Variants in TJP2 observed in about 807,000 individuals in gnomAD.
TJP2 encodes Friedreich ataxia region gene X104 (tight junction protein ZO-2).
TJP2 carries 91 observed loss-of-function variants against 133.1 expected under a neutral mutation model. That is an observed-to-expected ratio of 0.68 (90% CI 0.58 to 0.81). The LOEUF (loss-of-function observed/expected upper bound fraction) is 0.81, where lower values mean the gene tolerates loss of function less well. TJP2 is among the 40% of genes least tolerant of loss of function. The probability of loss-of-function intolerance (pLI) is 0.00; values close to 1 mark genes in which losing one functional copy is unlikely to be tolerated. For synonymous variants in TJP2, 592 were observed against 583.4 expected (o/e 1.01, Z -0.21); for missense variants, 1,541 against 1,565.6 (o/e 0.98, Z 0.26).
chr9:69,206,530 G>T (rs1255478200), intron 1 of TJP2, among the ~76,000 whole-genome samples: 1 of 151,732 alleles, frequency 6.6e-6, no homozygotes, highest in Non-Finnish European at 1.5e-5. Context: ...TCATTTTGGT[G>T]TTCACCCACT....
chr9:69,234,059 C>T (rs746675967), intron 11 of TJP2, among the ~76,000 whole-genome samples: 5 of 152,128 alleles, frequency 3.3e-5, no homozygotes, highest in Non-Finnish European at 5.9e-5. Context: ...ACTCCCCATG[C>T]TTCATACTTG....
Position 69,134,906 on chromosome 9 carries a change from T to C in TJP2, c.-131+13181T>C, listed in dbSNP as rs556166958. Among the ~76,000 whole-genome samples, 198 of 151,612 alleles carry C rather than the reference T, an allele frequency of 1.3e-3. 1 individual carries two copies. Among genetic ancestry groups the C allele is most frequent in the African/African-American group, 4.5e-3 (186 of 41,294 alleles). ...TGCTGTATGCTCACATGGCCTTTCC[T>C]GGATGCATTGTGTATGGAGAGAGAG... On this transcript the variant is annotated intron_variant, in intron 1 of 5. Transcript: ENST00000423935.
rs73649624 is a variant in TJP2, at chr9:69,204,856, T to C, written c.61-7692T>C. On this transcript the variant is annotated intron_variant, in intron 1 of 22. Coordinates refer to ENST00000377245, the MANE Select transcript of TJP2 (RefSeq NM_004817.4). ...TTCTGTCAACTTAGATGCTGAATCA[T>C]TTTATGTGCTTAAAAGAAATATCTA... 4,443 of 1,135,782 alleles carry C rather than the reference T, an allele frequency of 3.9e-3. 140 individuals are homozygous for C. The African/African-American group carries it at 0.063, about 16-fold the overall frequency. The allele number at this position is 1,135,782 out of a possible 1,614,324, so 70.4% of individuals were successfully genotyped here.
At chr9:69,182,845 G>A (rs1825611308) in intron 1 of TJP2, among the ~76,000 whole-genome samples, 1 of 144,314 alleles carries the variant, frequency 6.9e-6, no homozygotes, top group Non-Finnish European at 1.5e-5. Flanking sequence ...CTGAAGTGCA[G>A]TGGTGCCATC....
chr9:69,223,365 T>A (rs1428842075), intron 5 of TJP2, among the ~76,000 whole-genome samples: 4 of 152,168 alleles, frequency 2.6e-5, no homozygotes, highest in South Asian at 2.1e-4. Context: ...TGGAGTGCAG[T>A]GGCGCGATCT....
chr9:69,199,482 A>G (rs1005825505), intron 1 of TJP2, among the ~76,000 whole-genome samples: 3 of 152,130 alleles, frequency 2.0e-5, no homozygotes, highest in African/African-American at 4.8e-5. Context: ...GTGAGCCCTG[A>G]TTGTGCCACT....
intron 2 of TJP2, among the ~76,000 whole-genome samples, chr9:69,156,897 A>G (rs1823798765): frequency 6.6e-6 from 1 of 152,200 alleles, no homozygotes. Context: ...CTGCCAGGTC[A>G]TAGGTACTCT....
intron 1 of TJP2, among the ~76,000 whole-genome samples, chr9:69,178,972 T>C (rs1249875346): frequency 5.3e-5 from 2 of 37,486 alleles, no homozygotes; most frequent in South Asian, 1.2e-3. Flanking sequence ...AGTTTTTTTT[T>C]CTTATTTTTT....
intron 2 of TJP2, among the ~76,000 whole-genome samples, chr9:69,213,165 G>A (rs546135205): frequency 5.4e-4 from 80 of 148,508 alleles, no homozygotes; most frequent in Middle Eastern, 7.2e-3. Context: ...CCGGGTTCAA[G>A]CAATTTTCCT....
chr9:69,227,131 T>G (rs1429037296), intron 7 of TJP2, among the ~76,000 whole-genome samples: 1 of 152,214 alleles, frequency 6.6e-6, no homozygotes, highest in Non-Finnish European at 1.5e-5. Flanking sequence ...TTGTTGATTT[T>G]TTTTTTTAAA....
rs1380709204 is a variant in TJP2, at chr9:69,205,238, G to A, written c.61-7310G>A. The A allele has an allele frequency of 3.9e-6, 6 of 1,537,138 alleles. No homozygotes were observed. The African/African-American group carries it at 8.2e-5, about 21-fold the overall frequency. ...TTGAGGAGATGGAAAGGCCGTGTGAGTCCCTCTGCAAGCTCTCCCCTTGTT... is the reference window on the plus strand; with the variant it reads ...TTGAGGAGATGGAAAGGCCGTGTGAATCCCTCTGCAAGCTCTCCCCTTGTT... On this transcript the variant is annotated intron_variant, in intron 1 of 22. Coordinates refer to ENST00000377245, the MANE Select transcript of TJP2 (RefSeq NM_004817.4).
At chr9:69,218,497 G>C (rs1828559955) in intron 4 of TJP2, 138 bp downstream of exon 4, 4 of 722,170 alleles carry the variant, frequency 5.5e-6, no homozygotes, top group Non-Finnish European at 1.0e-5. Flanking sequence ...CAGTACTTTT[G>C]GAGGGGTGTG....
intron 17 of TJP2, chr9:69,246,189 G>A (rs181960722): frequency 1.2e-4 from 24 of 195,646 alleles, no homozygotes; most frequent in African/African-American, 3.5e-4. Flanking sequence ...TCAGATACTC[G>A]GCATCTGTGG....
At chr9:69,229,504 T>TA (rs550599075) in intron 10 of TJP2, among the ~76,000 whole-genome samples, 53 of 152,350 alleles carry the variant, frequency 3.5e-4, no homozygotes, top group African/African-American at 1.2e-3. Context: ...TCCAGAGTGT[T>TA]ACTCTGAATA....
Position 69,175,736 on chromosome 9 carries a change from A to G in TJP2, c.60+1304A>G, listed in dbSNP as rs540262064. On this transcript the variant is annotated intron_variant, in intron 1 of 22. Coordinates refer to ENST00000377245, the MANE Select transcript of TJP2 (RefSeq NM_004817.4). ...GTGGACAGGGTACTGGAGCTTCCTC[A>G]TTGTGGGGAGATGGCAGAAGCGGAG... 1.4e-3 allele frequency among the ~76,000 whole-genome samples: 217 copies of G among 152,282 alleles called. 1 individual carries two copies. The highest frequency in any genetic ancestry group is 2.3e-3 in the Admixed American group (35 of 15,298).
In TJP2 at chr9:69,206,458, A is replaced by G. The variant is rs564119427; in HGVS notation, c.61-6090A>G. Among the ~76,000 whole-genome samples the G allele has an allele frequency of 1.0e-3, 154 of 152,248 alleles. 1 individual carries two copies. The highest frequency in any genetic ancestry group is 3.6e-3 in the African/African-American group (150 of 41,550). ...TTTGCAAAATTCTAACTGCATTGAAAAATTTGCTGTTAAATATACTCGTAC... is the reference window on the plus strand; with the variant it reads ...TTTGCAAAATTCTAACTGCATTGAAGAATTTGCTGTTAAATATACTCGTAC... On this transcript the variant is annotated intron_variant, in intron 1 of 22. Coordinates refer to ENST00000377245, the MANE Select transcript of TJP2 (RefSeq NM_004817.4).
At chr9:69,171,916 C>T (rs1010008436), upstream of TJP2, among the ~76,000 whole-genome samples, 1 of 150,826 alleles carries the variant, frequency 6.6e-6, no homozygotes, top group Admixed American at 6.7e-5. Flanking sequence ...CTGCCTCAGC[C>T]TCCTGAACAG....
In TJP2 at chr9:69,216,414, A is replaced by G. The variant is rs1400260492; in HGVS notation, c.190A>G (p.Ile64Val). 22 of 1,614,054 alleles carry G rather than the reference A, an allele frequency of 1.4e-5. No homozygotes were observed. Among genetic ancestry groups the G allele is most frequent in the African/African-American group, 5.3e-5 (4 of 74,924 alleles). ...CCACTTTGAAAATGGAGAAACGTCA[A>G]TTGTCATTTCTGATGTGCTCCCGGG... ...NPHFENGETS[I>V]VISDVLPGGP... The change falls in exon 3 of 23, where the codon ATT becomes GTT. Residue 64 changes from isoleucine to valine, a missense_variant. Coordinates refer to ENST00000377245, the MANE Select transcript of TJP2 (RefSeq NM_004817.4).
At chr9:69,129,930 G>A (rs189221781) in intron 1 of TJP2, among the ~76,000 whole-genome samples, 311 of 150,000 alleles carry the variant, frequency 2.1e-3, no homozygotes, top group Non-Finnish European at 3.7e-3. Context: ...CAAGAAAATC[G>A]CCTGAACCCG....
Sources: gnomAD v4.1 joint callset for allele counts (sites outside exome capture counted in the v4.1 genomes callset) on GRCh38, gnomAD v4.1.1 for gene constraint, MANE v1.5 for transcripts, NCBI Gene and HGNC (gene_info 2026-07-23, HGNC 2026-07-21) for gene names.